The following ODF2 variants were observed in gnomAD, a reference collection of about 807,000 sequenced individuals.
ODF2 encodes the protein outer dense fiber protein 2.
Under a neutral mutation model 110.2 loss-of-function variants are expected in ODF2, and 47 were observed. The ratio of observed to expected loss-of-function variants is 0.43; its 90% CI spans 0.34 to 0.54. ODF2 has a LOEUF of 0.54. ODF2 is among the 20% of genes least tolerant of loss of function. ODF2 has a pLI of 0.03. For synonymous variants in ODF2, 352 were observed against 397.7 expected (o/e 0.89, Z 1.37); for missense variants, 812 against 1,054.5 (o/e 0.77, Z 3.19).
chr9:128,500,361 G>A, exon 21 of ODF2: 1 of 1,137,548 alleles, frequency 8.8e-7, no homozygotes, highest in Non-Finnish European at 1.3e-6. Flanking sequence ...TGAAAAAATG[G>A]GTTCAGGGTC....
At position 128,494,622 on chromosome 9, in the gene ODF2, GGAA is replaced by G; in HGVS notation, c.1869_1871del (p.Lys623del). 1 of 1,614,172 alleles carries G rather than the reference GGAA, an allele frequency of 6.2e-7. No homozygotes were observed. The highest frequency in any genetic ancestry group is 8.5e-7 in the Non-Finnish European group (1 of 1,180,036). On this transcript the variant is annotated inframe_deletion, in exon 17 of 21. Coordinates refer to ENST00000604420, the Ensembl canonical transcript of ODF2. The surrounding 1 kb of genome is among the most constrained non-coding windows in gnomAD (Gnocchi z 4.6). The stretch of plus-strand genomic sequence containing the variant: ...CAAGACCAACTGCAGGGCTATGAGC[GGAA>G]GAACATCGACCTCACAGCCATCATA...
intron 1 of ODF2, chr9:128,456,769 C>A: frequency 8.4e-7 from 1 of 1,185,852 alleles, no homozygotes; most frequent in Non-Finnish European, 1.1e-6. Context: ...GGGGGGGGGT[C>A]CCGCCCGCCC....
rs546126870 is a variant in ODF2 at position 128,462,047 on chromosome 9, T to A, written c.249+980T>A. Among the ~76,000 whole-genome samples, 8 of 152,118 alleles carry A rather than the reference T, an allele frequency of 5.3e-5. No individual in the cohort carries two copies. The South Asian group carries it at 6.2e-4, about 12-fold the overall frequency. On this transcript the variant is annotated intron_variant, in intron 4 of 20. Coordinates refer to ENST00000604420, the Ensembl canonical transcript of ODF2. Reference sequence around the variant, plus strand: ...ATGTAAATTAAAAGCCACAGTATATTTTTTTTAAAACAAAAACAATGAGCT... The same window carrying A: ...ATGTAAATTAAAAGCCACAGTATATATTTTTTAAAACAAAAACAATGAGCT...
rs771801093 is a variant in ODF2 at position 128,485,858 on chromosome 9, G to C, written c.1400+384G>C. ...ATGGTGACCCGAGTGTCTTCTCTCTGTTGTCTGTCCAGGGACAGCAGCTGT... is the reference window on the plus strand; with the variant it reads ...ATGGTGACCCGAGTGTCTTCTCTCTCTTGTCTGTCCAGGGACAGCAGCTGT... On this transcript the variant is annotated intron_variant, in intron 13 of 20. Transcript: ENST00000604420. This position sits in a 1 kb window ranked among gnomAD's most constrained non-coding sequence, Gnocchi z 5.0. Among the ~76,000 whole-genome samples, 1 of 152,126 alleles carries C rather than the reference G, an allele frequency of 6.6e-6. No homozygotes were observed. Among genetic ancestry groups the C allele is most frequent in the Non-Finnish European group, 1.5e-5 (1 of 68,004 alleles).
intron 3 of ODF2, 126 bp downstream of exon 3, chr9:128,460,792 T>G: frequency 1.3e-6 from 2 of 1,519,514 alleles, no homozygotes. Flanking sequence ...GCCGGTTTCC[T>G]GGTTAGAAGG....
intron 8 of ODF2, among the ~76,000 whole-genome samples, chr9:128,481,351 C>A (rs1842358883): frequency 6.6e-6 from 1 of 151,828 alleles, no homozygotes; most frequent in Admixed American, 6.6e-5. Flanking sequence ...GTAGTGCATG[C>A]TTGTTGTTCC....
At chr9:128,491,044 C>T (rs960196170) in intron 14 of ODF2, among the ~76,000 whole-genome samples, 1 of 151,116 alleles carries the variant, frequency 6.6e-6, no homozygotes, top group African/African-American at 2.4e-5. Flanking sequence ...GTAGAGATGG[C>T]GTTTTACCAT....
chr9:128,491,627 G>A (rs903347129), intron 14 of ODF2, among the ~76,000 whole-genome samples: 5 of 151,606 alleles, frequency 3.3e-5, no homozygotes, highest in Non-Finnish European at 7.4e-5. Context: ...TTGTGCCTTT[G>A]CACTCCAGCC....
chr9:128,480,264 A>G (rs1264860577), intron 8 of ODF2, among the ~76,000 whole-genome samples: 1 of 152,186 alleles, frequency 6.6e-6, no homozygotes, highest in African/African-American at 2.4e-5. Flanking sequence ...ATTGAGGTAT[A>G]TTTGACAAAC....
In ODF2 at chr9:128,482,864, C is replaced by T. The variant is rs759633909; in HGVS notation, c.964C>T (p.Leu322Phe). 5 of 1,611,372 alleles carry T rather than the reference C, an allele frequency of 3.1e-6. No individual in the cohort carries two copies. The Admixed American group carries it at 6.7e-5, about 22-fold the overall frequency. Reference sequence around the variant, plus strand: ...CAAGGACAAGGAGGTGGAAGAGCTCCTTCAGGAAATACAATGTGAGAAGGT... The same window carrying T: ...CAAGGACAAGGAGGTGGAAGAGCTCTTTCAGGAAATACAATGTGAGAAGGT... The change falls in exon 10 of 21, where the codon CTT becomes TTT. Residue 322 changes from leucine (L) to phenylalanine (F), a missense_variant. Around this residue, in one of 5 missense-constraint regions of ODF2, gnomAD observed 219 missense variants for 321.3 expected, o/e 0.68. Transcript: ENST00000604420.
chr9:128,495,423 A>T (rs1391137976), intron 17 of ODF2, among the ~76,000 whole-genome samples: 1 of 152,240 alleles, frequency 6.6e-6, no homozygotes, highest in African/African-American at 2.4e-5. Flanking sequence ...GTAAGCAGGG[A>T]TTGGAACCCA....
rs1836177293 is a variant in ODF2, at chr9:128,460,584, C to G, written c.124-358C>G. 4 of 1,614,008 alleles carry G rather than the reference C, an allele frequency of 2.5e-6. No individual in the cohort carries two copies. The highest frequency in any genetic ancestry group is 3.4e-6 in the Non-Finnish European group (4 of 1,179,998). On this transcript the variant is annotated intron_variant, in intron 3 of 20. Coordinates refer to ENST00000604420, the Ensembl canonical transcript of ODF2. ...ATGAAGGACCGCTCTTCAACTCCCC[C>G]CTTACATGTTCACGTGGATGAGAAC... is the stretch of plus-strand genomic sequence containing the variant.
intron 16 of ODF2, among the ~76,000 whole-genome samples, chr9:128,493,006 C>G (rs892989412): frequency 6.6e-6 from 1 of 151,714 alleles, no homozygotes; most frequent in Non-Finnish European, 1.5e-5. Context: ...TCTTCTCTCT[C>G]TCATGCTGCT....
intron 8 of ODF2, among the ~76,000 whole-genome samples, chr9:128,477,790 G>A (rs1346638398): frequency 4.6e-5 from 7 of 151,430 alleles, no homozygotes; most frequent in African/African-American, 2.4e-5. Context: ...GTTGAGACGG[G>A]GTTTCACCAT....
intron 16 of ODF2, among the ~76,000 whole-genome samples, chr9:128,493,387 AAAACAAAC>A (rs369064047): frequency 1.3e-5 from 2 of 152,286 alleles, no homozygotes; most frequent in Non-Finnish European, 1.5e-5. Context: ...ACTCTGTCTC[AAAACAAAC>A]AAACAAACAA....
At chr9:128,457,477 G>A (rs1435827324) in intron 2 of ODF2, 1 of 1,564,278 alleles carries the variant, frequency 6.4e-7, no homozygotes, top group East Asian at 2.3e-5. Flanking sequence ...GGAGGGCAGG[G>A]AAAGGTGGCC....
chr9:128,479,701 G>T (rs886997671), intron 8 of ODF2, among the ~76,000 whole-genome samples: 2 of 152,150 alleles, frequency 1.3e-5, no homozygotes, highest in African/African-American at 4.8e-5. Flanking sequence ...CAAAACATGG[G>T]AACAGCCTCA....
intron 18 of ODF2, 166 bp downstream of exon 18, chr9:128,496,307 G>A (rs901961742): frequency 6.7e-7 from 1 of 1,487,352 alleles, no homozygotes; most frequent in African/African-American, 1.4e-5. Flanking sequence ...GGTAAGCATT[G>A]TGGGAGAGAG....
intron 6 of ODF2, 91 bp from the exon 7 acceptor site, chr9:128,472,822 G>A: frequency 6.3e-7 from 1 of 1,578,408 alleles, no homozygotes; most frequent in Non-Finnish European, 8.6e-7. Context: ...CTGACCAGAG[G>A]TGAGCCCCCT....
Sources: gnomAD v4.1 joint callset for allele counts (sites outside exome capture counted in the v4.1 genomes callset) on GRCh38, gnomAD v4.1.1 for gene constraint, gnomAD v4.1.1 regional missense constraint, Gnocchi (gnomAD v3.1) non-coding constraint, MANE v1.5 for transcripts, NCBI Gene and HGNC (gene_info 2026-07-23, HGNC 2026-07-21) for gene names.